CDH18: variants seen among roughly 807,000 people sequenced by gnomAD.
CDH18 encodes cadherin-18.
CDH18 carries 31 observed loss-of-function variants against 67.9 expected under a neutral mutation model. That is an observed-to-expected ratio of 0.46 (90% CI 0.34 to 0.62). CDH18 has a LOEUF of 0.62. Among genes scored for constraint, CDH18 ranks in the 20% least tolerant of loss-of-function variants. The pLI is 0.01. For missense variants in CDH18, 890 were observed against 975.5 expected (o/e 0.91, Z 1.17); for synonymous variants, 362 against 347.2 (o/e 1.04, Z -0.48).
intron 3 of CDH18, among the ~76,000 whole-genome samples, chr5:19,777,696 C>G (rs1774563290): frequency 2.0e-5 from 3 of 152,130 alleles, no homozygotes; most frequent in African/African-American, 7.2e-5. Flanking sequence ...TATCTTACAG[C>G]CTTAAGTTGT....
At chr5:19,478,213 C>A (rs1018345974) in intron 12 of CDH18, among the ~76,000 whole-genome samples, 8 of 152,058 alleles carry the variant, frequency 5.3e-5, no homozygotes, top group African/African-American at 1.9e-4. Context: ...TATCATACAA[C>A]TTGAATTTGA....
intron 12 of CDH18, among the ~76,000 whole-genome samples, chr5:19,475,749 C>A (rs955142819): frequency 2.2e-4 from 34 of 152,014 alleles, no homozygotes; most frequent in African/African-American, 8.2e-4. Flanking sequence ...ATCTGAAATT[C>A]ACATTTATCT....
chr5:20,134,116 T>G (rs1420412712), intron 2 of CDH18, among the ~76,000 whole-genome samples: 1 of 152,082 alleles, frequency 6.6e-6, no homozygotes, highest in East Asian at 1.9e-4. Context: ...ATCACAGGAC[T>G]GTGTCACCAC....
chr5:19,942,049 T>C (rs1022769518), intron 2 of CDH18, among the ~76,000 whole-genome samples: 9 of 151,988 alleles, frequency 5.9e-5, no homozygotes, highest in African/African-American at 2.2e-4. Flanking sequence ...AAAGAAGACA[T>C]AATCAGGAAA....
rs145736250 is a variant in CDH18, at chr5:19,602,516, C to T, written c.811+9918G>A. Among the ~76,000 whole-genome samples the T allele has an allele frequency of 1.9e-4, 29 of 151,762 alleles. No individual in the cohort carries two copies. In the East Asian group the frequency reaches 4.8e-3, roughly 25 times the overall value. On this transcript the variant is annotated intron_variant, in intron 6 of 12. Transcript: ENST00000382275. The stretch of plus-strand genomic sequence containing the variant: ...TAAATAGGCAAAGAACTGGAATAGA[C>T]ATCTCTCCAAAAAAGATAAAAAATT...
chr5:20,514,932 C>G (rs893688456), intron 1 of CDH18, among the ~76,000 whole-genome samples: 1 of 151,854 alleles, frequency 6.6e-6, no homozygotes, highest in Non-Finnish European at 1.5e-5. Context: ...TATATCATGG[C>G]TATTTCCTAC....
At chr5:20,119,976 T>C (rs1748218653) in intron 2 of CDH18, among the ~76,000 whole-genome samples, 1 of 152,126 alleles carries the variant, frequency 6.6e-6, no homozygotes, top group Non-Finnish European at 1.5e-5. Flanking sequence ...ATTACCACAA[T>C]GAAGCTTCAT....
intron 2 of CDH18, among the ~76,000 whole-genome samples, chr5:19,974,917 A>T (rs78831908): frequency 6.6e-6 from 1 of 152,094 alleles, no homozygotes; most frequent in Non-Finnish European, 1.5e-5. Context: ...GGCTACTTTT[A>T]AGTAAGTGTG....
At chr5:19,811,126 G>GAAAGAA (rs1778639160) in intron 3 of CDH18, among the ~76,000 whole-genome samples, 1 of 111,240 alleles carries the variant, frequency 9.0e-6, no homozygotes, top group South Asian at 3.0e-4. Flanking sequence ...AAGAAAGAAA[G>GAAAGAA]AAAGAAAGAA....
chr5:20,435,018 G>T (rs1749064445), intron 1 of CDH18, among the ~76,000 whole-genome samples: 1 of 152,010 alleles, frequency 6.6e-6, no homozygotes, highest in Non-Finnish European at 1.5e-5. Flanking sequence ...GCTATTTTAA[G>T]AAAGTAATTT....
intron 1 of CDH18, among the ~76,000 whole-genome samples, chr5:19,987,290 G>A (rs979398978): frequency 9.6e-4 from 122 of 127,712 alleles, no homozygotes; most frequent in South Asian, 1.7e-3. Flanking sequence ...ACACACACAC[G>A]CATAAGGCAT....
chr5:20,001,974 G>C (rs1736478789), intron 2 of CDH18, among the ~76,000 whole-genome samples: 1 of 152,130 alleles, frequency 6.6e-6, no homozygotes, highest in Non-Finnish European at 1.5e-5. Flanking sequence ...TCTATCTAAA[G>C]ATTCCTCAGG....
intron 1 of CDH18, among the ~76,000 whole-genome samples, chr5:20,299,017 C>T (rs1274065639): frequency 5.3e-5 from 8 of 152,000 alleles, no homozygotes; most frequent in South Asian, 4.2e-4. Context: ...ATAGGCATGA[C>T]GGTTGGAAAA....
At chr5:20,241,892 G>GTATATATATATATATATATATA (rs1554106527) in intron 2 of CDH18, among the ~76,000 whole-genome samples, 1 of 29,292 alleles carries the variant, frequency 3.4e-5, no homozygotes, top group African/African-American at 9.2e-5. Context: ...ATATATATAT[G>GTATATATATATATATATATATA]TATATATATA....
chr5:19,992,200 A>G (rs554407663), upstream of CDH18, among the ~76,000 whole-genome samples: 5 of 152,212 alleles, frequency 3.3e-5, no homozygotes, highest in African/African-American at 9.6e-5. Flanking sequence ...TTTTTCTTCA[A>G]TGCATGTATA....
chr5:20,019,378 T>G (rs527807870), intron 2 of CDH18, among the ~76,000 whole-genome samples: 3 of 152,286 alleles, frequency 2.0e-5, no homozygotes, highest in African/African-American at 7.2e-5. Context: ...AATAGCATAT[T>G]GATATGGTTT....
At chr5:20,215,953 A>G (rs78240649) in intron 2 of CDH18, among the ~76,000 whole-genome samples, 3,542 of 151,978 alleles carry the variant, frequency 0.023, 125 homozygotes, top group African/African-American at 0.08. Flanking sequence ...AGAAAGGAAA[A>G]ACACATATTA....
chr5:19,529,298 T>C (rs961151854), intron 9 of CDH18, among the ~76,000 whole-genome samples: 3 of 151,842 alleles, frequency 2.0e-5, no homozygotes, highest in Non-Finnish European at 4.4e-5. Flanking sequence ...TAACAAGAAA[T>C]AAAGAACACT....
chr5:20,191,151 A>C (rs1321206471), intron 2 of CDH18, among the ~76,000 whole-genome samples: 1 of 152,150 alleles, frequency 6.6e-6, no homozygotes, highest in African/African-American at 2.4e-5. Flanking sequence ...AATCATGGGT[A>C]AAAAGCTGAA....
Sources: gnomAD v4.1 joint callset for allele counts (sites outside exome capture counted in the v4.1 genomes callset) on GRCh38, gnomAD v4.1.1 for gene constraint, MANE v1.5 for transcripts, NCBI Gene and HGNC (gene_info 2026-07-23, HGNC 2026-07-21) for gene names.